Variants in TOX2 observed in about 807,000 individuals in gnomAD.
The protein encoded by TOX2 is granulosa cell HMG box 1.
A neutral mutation model predicts 47.4 loss-of-function variants in TOX2; 15 were observed. The observed-to-expected ratio is 0.32, with a 90% CI of 0.21 to 0.49. The LOEUF (loss-of-function observed/expected upper bound fraction) is 0.49, where lower values mean the gene tolerates loss of function less well. Among genes scored for constraint, TOX2 ranks in the 20% least tolerant of loss-of-function variants. The pLI, the probability that TOX2 is intolerant of heterozygous loss-of-function variation, is 0.99. For missense variants in TOX2, 622 were observed against 673.1 expected (o/e 0.92, Z 0.84); for synonymous variants, 290 against 296.6 (o/e 0.98, Z 0.23).
chr20:43,926,724 C>T (rs1228411954), intron 1 of TOX2, among the ~76,000 whole-genome samples: 2 of 152,166 alleles, frequency 1.3e-5, no homozygotes, highest in Non-Finnish European at 2.9e-5. Context: ...TTGCAATTCC[C>T]ACAGGGAGTT....
intron 5 of TOX2, among the ~76,000 whole-genome samples, chr20:44,055,498 G>C (rs1449206565): frequency 6.6e-6 from 1 of 152,188 alleles, no homozygotes; most frequent in South Asian, 2.1e-4. Context: ...GGCCAGAGAG[G>C]AGACAATAAG....
chr20:44,066,690 T>C, intron 7 of TOX2, 40 bp from the exon 8 acceptor site: 1 of 1,613,714 alleles, frequency 6.2e-7, no homozygotes, highest in Non-Finnish European at 8.5e-7. Flanking sequence ...TGCCCCCTCA[T>C]CTCTCCTTGG....
intron 3 of TOX2, 119 bp downstream of exon 3, chr20:44,006,911 T>G: frequency 7.1e-7 from 1 of 1,410,298 alleles, no homozygotes; most frequent in South Asian, 1.5e-5. Context: ...GGGTCTGGGT[T>G]TACCTGGTTG....
chr20:43,960,692 A>C (rs1161824418), intron 1 of TOX2, among the ~76,000 whole-genome samples: 1 of 152,222 alleles, frequency 6.6e-6, no homozygotes, highest in Non-Finnish European at 1.5e-5. Flanking sequence ...TTTAAAGCAC[A>C]TGCTGATTTC....
At chr20:44,064,107 T>C (rs957718691) in intron 5 of TOX2, among the ~76,000 whole-genome samples, 3 of 152,180 alleles carry the variant, frequency 2.0e-5, no homozygotes, top group Admixed American at 6.5e-5. Flanking sequence ...AAAGAACTTA[T>C]TCATATACAA....
Position 44,063,649 on chromosome 20 carries a change from C to T in TOX2, c.880-1128C>T, listed in dbSNP as rs539983409. Among the ~76,000 whole-genome samples the T allele has an allele frequency of 5.3e-5, 8 of 152,236 alleles. No individual in the cohort carries two copies. In the East Asian group the frequency reaches 1.5e-3, roughly 29 times the overall value. ...AAATTTTACAAAAAAGATACTTGCACATGTTTGTAGCAGCCCAATTTGCAA... is the reference window on the plus strand; with the variant it reads ...AAATTTTACAAAAAAGATACTTGCATATGTTTGTAGCAGCCCAATTTGCAA... On this transcript the variant is annotated intron_variant, in intron 5 of 8. Transcript: ENST00000341197.
chr20:44,009,115 C>G (rs973023762), intron 3 of TOX2, among the ~76,000 whole-genome samples: 1 of 152,208 alleles, frequency 6.6e-6, no homozygotes, highest in African/African-American at 2.4e-5. Context: ...TCTGCCATGA[C>G]TGTTCAGAAG....
chr20:43,950,560 T>C (rs999981113), intron 1 of TOX2, among the ~76,000 whole-genome samples: 3 of 151,610 alleles, frequency 2.0e-5, no homozygotes, highest in African/African-American at 7.3e-5. Context: ...GCAGCTCCCA[T>C]CTTAGGGCCT....
At chr20:44,016,201 A>C (rs2070875754) in intron 3 of TOX2, among the ~76,000 whole-genome samples, 1 of 151,902 alleles carries the variant, frequency 6.6e-6, no homozygotes, top group Non-Finnish European at 1.5e-5. Flanking sequence ...TTCTCCCAGC[A>C]CCCTTTAAGG....
chr20:43,999,170 G>A (rs2070533565), intron 2 of TOX2, among the ~76,000 whole-genome samples: 1 of 152,086 alleles, frequency 6.6e-6, no homozygotes, highest in South Asian at 2.1e-4. Context: ...TAAAGCAATT[G>A]AAATCATTCG....
chr20:43,986,335 A>G (rs2070265320), intron 2 of TOX2, among the ~76,000 whole-genome samples: 1 of 151,920 alleles, frequency 6.6e-6, no homozygotes, highest in Admixed American at 6.6e-5. Flanking sequence ...AGGCTGGAGT[A>G]CAGTGGTGTG....
Position 43,916,350 on chromosome 20 carries a change from C to G in TOX2, c.99+1360C>G. 1.0e-5 allele frequency: 6 copies of G among 599,420 alleles called. No individual in the cohort carries two copies. Among genetic ancestry groups the G allele is most frequent in the Non-Finnish European group, 1.3e-5 (6 of 477,034 alleles). The allele number at this position is 599,420 out of a possible 1,614,324, so 37.1% of individuals were successfully genotyped here. A position where few individuals can be genotyped will look rare whatever the true frequency, so the allele number is the denominator to read the frequency against. ...GATCCCGGGGCCTCCCGGGCTGGGCCTCCCTGAGTGCGCCCTCAGGCCCCA... is the reference window on the plus strand; with the variant it reads ...GATCCCGGGGCCTCCCGGGCTGGGCGTCCCTGAGTGCGCCCTCAGGCCCCA... On this transcript the variant is annotated intron_variant, in intron 1 of 8. Coordinates refer to ENST00000341197, the MANE Select transcript of TOX2 (RefSeq NM_001098797.2). This position sits in a 1 kb window ranked among gnomAD's most constrained non-coding sequence, Gnocchi z 5.0.
chr20:44,021,281 G>A (rs910650233), intron 3 of TOX2, among the ~76,000 whole-genome samples: 3 of 152,190 alleles, frequency 2.0e-5, no homozygotes, highest in Admixed American at 1.3e-4. Context: ...AGGACAGAGT[G>A]TGAGCAGGTA....
intron 1 of TOX2, among the ~76,000 whole-genome samples, chr20:43,935,814 C>T (rs1238810880): frequency 6.6e-6 from 1 of 150,716 alleles, no homozygotes; most frequent in African/African-American, 2.4e-5. Context: ...GTAATCCTAG[C>T]TACTCAGGAG....
At chr20:44,036,600 A>T (rs1172912575) in intron 3 of TOX2, among the ~76,000 whole-genome samples, 1 of 152,250 alleles carries the variant, frequency 6.6e-6, no homozygotes, top group Non-Finnish European at 1.5e-5. Context: ...CTCCACTACC[A>T]GAAGGATTGC....
At chr20:43,947,406 G>C (rs772970438) in intron 1 of TOX2, among the ~76,000 whole-genome samples, 2 of 152,210 alleles carry the variant, frequency 1.3e-5, no homozygotes, top group Non-Finnish European at 2.9e-5. Context: ...TGTGTGGAAG[G>C]ACCTCATTAA....
At chr20:44,013,777 C>T (rs1600737054) in intron 3 of TOX2, among the ~76,000 whole-genome samples, 1 of 152,004 alleles carries the variant, frequency 6.6e-6, no homozygotes, top group African/African-American at 2.4e-5. Context: ...AGTGCTTGGC[C>T]CAGGGTCAGC....
intron 3 of TOX2, among the ~76,000 whole-genome samples, chr20:44,040,913 G>A (rs976298906): frequency 3.3e-5 from 5 of 152,296 alleles, no homozygotes; most frequent in African/African-American, 1.2e-4. Flanking sequence ...TAAAAGATGG[G>A]AGAGGAGTGA....
chr20:44,012,807 C>T (rs1231011701), intron 3 of TOX2, among the ~76,000 whole-genome samples: 1 of 152,210 alleles, frequency 6.6e-6, no homozygotes, highest in Non-Finnish European at 1.5e-5. Flanking sequence ...TATCACTGGC[C>T]TAAGGGGGCT....
Sources: gnomAD v4.1 joint callset for allele counts (sites outside exome capture counted in the v4.1 genomes callset) on GRCh38, gnomAD v4.1.1 for gene constraint, Gnocchi (gnomAD v3.1) non-coding constraint, MANE v1.5 for transcripts, NCBI Gene and HGNC (gene_info 2026-07-23, HGNC 2026-07-21) for gene names.